Variants in SOBP observed in about 807,000 individuals in gnomAD.
SOBP encodes sine oculis-binding protein homolog.
A neutral mutation model predicts 53.6 loss-of-function variants in SOBP; 4 were observed. That is an observed-to-expected ratio of 0.07 (90% CI 0.04 to 0.17). SOBP has a LOEUF of 0.17. SOBP is among the 10% of genes least tolerant of loss of function. SOBP has a pLI of 1.00. For missense variants in SOBP, 1,088 were observed against 1,204.7 expected, an observed-to-expected ratio of 0.90 and a Z score of 1.43; for synonymous variants, 584 against 522.6, an observed-to-expected ratio of 1.12 and a Z score of -1.60.
rs141021389 is a variant in SOBP at position 107,622,465 on chromosome 6, G to A, written c.670-11049G>A. ...GAGATGCGATTGTGGAGAAGAGCCA[G>A]TTCTTCTCAAGAGTAAACAAAGACA... On this transcript the variant is annotated intron_variant, in intron 5 of 6. Transcript: ENST00000317357. Among the ~76,000 whole-genome samples the A allele has an allele frequency of 1.8e-3, 273 of 152,368 alleles. No homozygotes were observed. The Middle Eastern group carries it at 0.02, about 11-fold the overall frequency.
At chr6:107,623,159 G>A (rs1321279770) in intron 5 of SOBP, among the ~76,000 whole-genome samples, 1 of 152,164 alleles carries the variant, frequency 6.6e-6, no homozygotes, top group East Asian at 1.9e-4. Flanking sequence ...GAAGTGCCAA[G>A]GAAAGGTGGA....
intron 4 of SOBP, among the ~76,000 whole-genome samples, chr6:107,549,410 A>C (rs907418533): frequency 2.0e-5 from 3 of 151,502 alleles, no homozygotes; most frequent in Non-Finnish European, 2.9e-5. Context: ...TGATTATAGA[A>C]GCTTAAATCA....
chr6:107,634,117 C>A lies in SOBP; in HGVS notation c.1273C>A (p.Pro425Thr). The A allele has an allele frequency of 5.0e-6, 8 of 1,606,826 alleles. No homozygotes were observed. The highest frequency in any genetic ancestry group is 6.8e-6 in the Non-Finnish European group (8 of 1,176,668). Residue 425 changes from proline to threonine, a missense_variant, in exon 6 of 7, where the codon CCC (proline) becomes ACC (threonine). Around this residue, in one of 6 missense-constraint regions of SOBP, gnomAD observed 211 missense variants for 258.9 expected, o/e 0.82. Coordinates refer to ENST00000317357, the MANE Select transcript of SOBP (RefSeq NM_018013.4). This position sits in a 1 kb window ranked among gnomAD's most constrained non-coding sequence, Gnocchi z 4.5. Reference protein sequence around the residue: ...PPHHASNPNSPLSNPMLPGIG... With the variant: ...PPHHASNPNSTLSNPMLPGIG... ...GCACCATGCCTCCAACCCCAACAGC[C>A]CCCTGTCCAACCCCATGCTTCCCGG...
At chr6:107,491,488 A>G (rs964853409) in intron 1 of SOBP, among the ~76,000 whole-genome samples, 7 of 152,342 alleles carry the variant, frequency 4.6e-5, no homozygotes, top group African/African-American at 1.7e-4. Context: ...GCGGTGCACC[A>G]GAGGTGGAGA....
chr6:107,536,642 A>G (rs977092634), intron 4 of SOBP, among the ~76,000 whole-genome samples: 2 of 152,154 alleles, frequency 1.3e-5, no homozygotes, highest in African/African-American at 2.4e-5. Context: ...AGGTTAACCT[A>G]TATAGTATAT....
In SOBP at chr6:107,634,725, C is replaced by G; in HGVS notation, c.1881C>G (p.Ala627=). The G allele has an allele frequency of 7.4e-7, 1 of 1,359,688 alleles. No homozygotes were observed. The highest frequency in any genetic ancestry group is 9.4e-7 in the Non-Finnish European group (1 of 1,064,908). The allele number at this position is 1,359,688 out of a possible 1,614,324, so 84.2% of individuals were successfully genotyped here. A position where few individuals can be genotyped will look rare whatever the true frequency, so the allele number is the denominator to read the frequency against. The change falls in exon 6 of 7, where the codon GCC becomes GCG. Residue 627 remains alanine (A), a synonymous_variant. Transcript: ENST00000317357. The surrounding 1 kb of genome is among the most constrained non-coding windows in gnomAD (Gnocchi z 4.5). ...AGGTGGTGGACCTGACGCGGCGCGCCGGCAGCCCCCCGGGCCCCCCGGGCG... is the reference window on the plus strand; with the variant it reads ...AGGTGGTGGACCTGACGCGGCGCGCGGGCAGCCCCCCGGGCCCCCCGGGCG... ...RSEVVDLTRR[A]GSPPGPPGAG...
chr6:107,508,419 A>G (rs534033424), intron 3 of SOBP, among the ~76,000 whole-genome samples: 2 of 152,076 alleles, frequency 1.3e-5, no homozygotes, highest in East Asian at 3.9e-4. Flanking sequence ...TCTCTACTAA[A>G]ACTGCAAAAA....
intron 6 of SOBP, among the ~76,000 whole-genome samples, chr6:107,646,990 C>T (rs1204969353): frequency 6.6e-6 from 1 of 152,102 alleles, no homozygotes; most frequent in Non-Finnish European, 1.5e-5. Flanking sequence ...TCACAGATGC[C>T]CTAAAATGGC....
intron 4 of SOBP, among the ~76,000 whole-genome samples, chr6:107,544,540 G>C (rs1404849446): frequency 6.6e-6 from 1 of 152,208 alleles, no homozygotes; most frequent in East Asian, 1.9e-4. Flanking sequence ...GAGTTGACTT[G>C]TCAGAAGATC....
Position 107,634,894 on chromosome 6 carries a change from G to A in SOBP, c.2050G>A (p.Ala684Thr), listed in dbSNP as rs1375120443. ...CGTCAAGGCGGAGCGCGAGCCGAGC[G>A]CCGCGGAGCGCAGGACCTGCGGCGG... ...AHVKAEREPS[A>T]AERRTCGGCR... Residue 684 changes from alanine (A) to threonine (T), a missense_variant, in exon 6 of 7, where the codon GCC (alanine) becomes ACC (threonine). Around this residue, in one of 6 missense-constraint regions of SOBP, gnomAD observed 665 missense variants for 629.7 expected, o/e 1.06. Transcript: ENST00000317357. This position sits in a 1 kb window ranked among gnomAD's most constrained non-coding sequence, Gnocchi z 4.5. 7.7e-7 allele frequency: 1 copy of A among 1,300,784 alleles called. No homozygotes were observed. The highest frequency in any genetic ancestry group is 1.9e-5 in the South Asian group (1 of 53,916). The allele number at this position is 1,300,784 out of a possible 1,614,324, so 80.6% of individuals were successfully genotyped here.
chr6:107,609,135 A>C lies in SOBP; in HGVS notation c.669+21960A>C, dbSNP rs147444443. Among the ~76,000 whole-genome samples the C allele has an allele frequency of 4.6e-3, 706 of 152,364 alleles. 3 individuals carry two copies. The highest frequency in any genetic ancestry group is 0.016 in the African/African-American group (677 of 41,586). On this transcript the variant is annotated intron_variant, in intron 5 of 6. Coordinates refer to ENST00000317357, the MANE Select transcript of SOBP (RefSeq NM_018013.4). ...TTGATCACACACCTCATCAGTTAAA[A>C]TAATTTTTTGAGCACATGCCCACAC...
rs761681522 is a variant in SOBP, at chr6:107,634,898, C to A, written c.2054C>A (p.Ala685Glu). The A allele has an allele frequency of 3.1e-6, 4 of 1,298,296 alleles. No homozygotes were observed. The highest frequency in any genetic ancestry group is 5.5e-5 in the Admixed American group (2 of 36,188). The allele number at this position is 1,298,296 out of a possible 1,614,324, so 80.4% of individuals were successfully genotyped here. Reference sequence around the variant, plus strand: ...AAGGCGGAGCGCGAGCCGAGCGCCGCGGAGCGCAGGACCTGCGGCGGCTGC... The same window carrying A: ...AAGGCGGAGCGCGAGCCGAGCGCCGAGGAGCGCAGGACCTGCGGCGGCTGC... Reference protein sequence around the residue: ...HVKAEREPSAAERRTCGGCRD... With the variant: ...HVKAEREPSAEERRTCGGCRD... The change falls in exon 6 of 7, where the codon GCG (alanine) becomes GAG (glutamate). Residue 685 changes from alanine (A) to glutamate (E), a missense_variant. Around this residue, in one of 6 missense-constraint regions of SOBP, gnomAD observed 665 missense variants for 629.7 expected, o/e 1.06. Coordinates refer to ENST00000317357, the MANE Select transcript of SOBP (RefSeq NM_018013.4). This position sits in a 1 kb window ranked among gnomAD's most constrained non-coding sequence, Gnocchi z 4.5.
At chr6:107,509,611 C>T (rs1264817419) in intron 3 of SOBP, among the ~76,000 whole-genome samples, 1 of 152,094 alleles carries the variant, frequency 6.6e-6, no homozygotes, top group African/African-American at 2.4e-5. Flanking sequence ...CTGAGGCTAA[C>T]ATAAGTTTGG....
chr6:107,581,347 G>A (rs1026062388), intron 4 of SOBP, among the ~76,000 whole-genome samples: 2 of 152,152 alleles, frequency 1.3e-5, no homozygotes, highest in Non-Finnish European at 1.5e-5. Flanking sequence ...CAGAAAGAAT[G>A]GGAGTGAAGG....
intron 1 of SOBP, among the ~76,000 whole-genome samples, chr6:107,493,638 C>T (rs1360753174): frequency 6.6e-6 from 1 of 152,016 alleles, no homozygotes; most frequent in African/African-American, 2.4e-5. Context: ...TTTCCCCCTT[C>T]GGGTAATAGA....
At chr6:107,513,005 G>A (rs368251213) in intron 3 of SOBP, among the ~76,000 whole-genome samples, 1 of 152,202 alleles carries the variant, frequency 6.6e-6, no homozygotes, top group Non-Finnish European at 1.5e-5. Flanking sequence ...ATGCATTTAT[G>A]TGGCAGTCTT....
chr6:107,648,730 C>T (rs1697759125), intron 6 of SOBP, among the ~76,000 whole-genome samples: 1 of 151,946 alleles, frequency 6.6e-6, no homozygotes, highest in South Asian at 2.1e-4. Flanking sequence ...CTTTGGGGTT[C>T]TAGAAGCTGG....
intron 5 of SOBP, among the ~76,000 whole-genome samples, chr6:107,603,536 A>G (rs1583261181): frequency 6.6e-6 from 1 of 152,310 alleles, no homozygotes; most frequent in South Asian, 2.1e-4. Context: ...AGGAATATGA[A>G]CTGATGTTTA....
chr6:107,545,021 CTG>C (rs1290579826), intron 4 of SOBP, among the ~76,000 whole-genome samples: 1 of 152,168 alleles, frequency 6.6e-6, no homozygotes, highest in Admixed American at 6.5e-5. Flanking sequence ...ACAATGATAA[CTG>C]TAAGAGCTTA....
Sources: allele counts gnomAD v4.1 joint callset (sites outside exome capture counted in the v4.1 genomes callset), GRCh38; gene constraint gnomAD v4.1.1; regional missense constraint gnomAD v4.1.1; non-coding constraint Gnocchi (gnomAD v3.1); transcripts MANE v1.5; gene names NCBI Gene and HGNC (gene_info 2026-07-23, HGNC 2026-07-21).